Variants in MYBPC1 observed in about 807,000 individuals in gnomAD.
MYBPC1 encodes the protein myosin binding protein C1.
In MYBPC1, 52 loss-of-function variants were observed where a neutral mutation model predicts 147.1. The ratio of observed to expected loss-of-function variants is 0.35; its 90% confidence interval spans 0.28 to 0.45. The LOEUF (loss-of-function observed/expected upper bound fraction) is 0.45, where lower values mean the gene tolerates loss of function less well. MYBPC1 is among the 20% of genes least tolerant of loss of function. The probability of loss-of-function intolerance (pLI) is 1.00; values close to 1 mark genes in which losing one functional copy is unlikely to be tolerated. For missense variants in MYBPC1, 1,228 were observed against 1,440.3 expected (o/e 0.85, Z 2.39); for synonymous variants, 477 against 475.9 (o/e 1.00, Z -0.03).
At chr12:101,692,598 T>C in the MYBPC1 span, among the ~76,000 whole-genome samples, 2 of 152,168 alleles carry the variant, frequency 1.3e-5, no homozygotes, top group African/African-American at 4.8e-5. Context: ...GAGGAGTAAG[T>C]GAAATAACTC....
At chr12:101,672,698 A>G (rs946839969) in intron 24 of MYBPC1, among the ~76,000 whole-genome samples, 33 of 152,266 alleles carry the variant, frequency 2.2e-4, no homozygotes, top group African/African-American at 7.9e-4. Flanking sequence ...CAACTAAAAA[A>G]ATTAGCCAAG....
intron 1 of MYBPC1, among the ~76,000 whole-genome samples, chr12:101,614,279 A>G (rs895207385): frequency 1.3e-5 from 2 of 152,056 alleles, no homozygotes; most frequent in Non-Finnish European, 2.9e-5. Context: ...AAATGGCAGC[A>G]TGTATGTCTT....
chr12:101,645,369 G>A (rs1007275790), intron 12 of MYBPC1, among the ~76,000 whole-genome samples: 12 of 152,190 alleles, frequency 7.9e-5, no homozygotes, highest in African/African-American at 2.7e-4. Context: ...ACTAAAGACA[G>A]ACTAATCCCT....
intron 21 of MYBPC1, 128 bp downstream of exon 21, chr12:101,662,674 C>T: frequency 2.1e-6 from 2 of 967,904 alleles, no homozygotes; most frequent in East Asian, 2.4e-5. Context: ...GAGCTTGAAA[C>T]AGTTAGGTAC....
intron 15 of MYBPC1, 80 bp from the exon 16 acceptor site, chr12:101,651,151 C>G: frequency 6.8e-7 from 1 of 1,467,120 alleles, no homozygotes; most frequent in Non-Finnish European, 9.6e-7. Flanking sequence ...GTAGAGCTCA[C>G]TATACCATTG....
chr12:101,608,112 A>C lies in MYBPC1; in HGVS notation c.26-6384A>C, dbSNP rs567797050. 2.6e-5 allele frequency among the ~76,000 whole-genome samples: 4 copies of C among 152,236 alleles called. No homozygotes were observed. In the South Asian group the frequency reaches 8.3e-4, roughly 32 times the overall value. On this transcript the variant is annotated intron_variant, in intron 1 of 31. Coordinates refer to ENST00000361466, the MANE Select transcript of MYBPC1 (RefSeq NM_002465.4). ...ATACCTGTGCTTTTTACAGTAGGTG[A>C]CCATAGGAAAAATCCACCATAAATA...
At position 101,604,188 on chromosome 12, in the gene MYBPC1, G is replaced by A. The variant is rs999806700; in HGVS notation, c.25+9093G>A. ...CCCAGCCCCATGTTAACAATGAGAA[G>A]CTATTTGTTGCTATGTAATAAGGAC... On this transcript the variant is annotated intron_variant, in intron 1 of 31. Transcript: ENST00000361466. Among the ~76,000 whole-genome samples the A allele has an allele frequency of 6.6e-5, 10 of 152,116 alleles. 1 individual carries two copies. The highest frequency in any genetic ancestry group is 4.6e-4 in the Admixed American group (7 of 15,262).
chr12:101,654,937 C>T (rs1192894382), intron 18 of MYBPC1, among the ~76,000 whole-genome samples: 2 of 152,132 alleles, frequency 1.3e-5, no homozygotes, highest in African/African-American at 4.8e-5. Context: ...AATTTAATTG[C>T]ATTTCAAAAC....
rs1206080087 is a variant in MYBPC1, at chr12:101,646,719, A to G, written c.966-44A>G. Reference sequence around the variant, plus strand: ...TGCTGGCAATAAAGAAAAGAATAAAATCACATTCACAGACTCTGTTTATTT... The same window carrying G: ...TGCTGGCAATAAAGAAAAGAATAAAGTCACATTCACAGACTCTGTTTATTT... On this transcript the variant is annotated intron_variant, in intron 12 of 31. Transcript: ENST00000361466. 3 of 1,606,514 alleles carry G rather than the reference A, an allele frequency of 1.9e-6. No individual in the cohort carries two copies. In the Admixed American group the frequency reaches 5.0e-5, roughly 27 times the overall value.
intron 1 of MYBPC1, among the ~76,000 whole-genome samples, chr12:101,606,593 C>A (rs907090324): frequency 6.6e-6 from 1 of 151,970 alleles, no homozygotes; most frequent in Non-Finnish European, 1.5e-5. Flanking sequence ...CTTGAGCCAC[C>A]ATGCCCAGCC....
chr12:101,629,602 G>T, intron 6 of MYBPC1, 58 bp downstream of exon 6: 2 of 1,244,714 alleles, frequency 1.6e-6, no homozygotes, highest in South Asian at 1.2e-5. Context: ...GCCGAGCACG[G>T]TGCCTCACGC....
At chr12:101,686,974 T>C (rs1951356952), downstream of MYBPC1, among the ~76,000 whole-genome samples, 2 of 152,210 alleles carry the variant, frequency 1.3e-5, no homozygotes, top group African/African-American at 2.4e-5. Context: ...CCTGCTCCTA[T>C]GCTCCCAAAA....
At chr12:101,663,143 A>G (rs1048120932) in intron 21 of MYBPC1, among the ~76,000 whole-genome samples, 1 of 152,216 alleles carries the variant, frequency 6.6e-6, no homozygotes, top group African/African-American at 2.4e-5. Flanking sequence ...ACTCTAGATC[A>G]TTAGATCCCA....
At position 101,638,963 on chromosome 12, in the gene MYBPC1, G is replaced by A. The variant is rs115750054; in HGVS notation, c.665+2235G>A. 5.7e-3 allele frequency among the ~76,000 whole-genome samples: 820 copies of A among 143,112 alleles called. 6 individuals are homozygous for A. Among genetic ancestry groups the A allele is most frequent in the African/African-American group, 0.019 (761 of 39,814 alleles). 93.9% of individuals were successfully genotyped at this position (143,112 alleles called of 152,430 possible). ...AGTGAGTTGCATGCGTTTTCATTGC[G>A]GTAATGACATATGGTTACCATTTCT... On this transcript the variant is annotated intron_variant, in intron 10 of 31. Coordinates refer to ENST00000361466, the MANE Select transcript of MYBPC1 (RefSeq NM_002465.4).
At position 101,595,097 on chromosome 12, in the gene MYBPC1, TA is replaced by T; in HGVS notation, c.25+4del. 1 of 1,611,624 alleles carries T rather than the reference TA, an allele frequency of 6.2e-7. No homozygotes were observed. The highest frequency in any genetic ancestry group is 8.5e-7 in the Non-Finnish European group (1 of 1,177,832). ...TGCCAGAACCCACTAAGAAAGAGGG[TA>T]AGACTTATCTAGAAATCTTTTTGTT... On this transcript the variant is annotated splice_donor_region_variant and intron_variant, in intron 1 of 31. Transcript: ENST00000361466.
At chr12:101,640,228 T>G (rs1204968100) in intron 10 of MYBPC1, among the ~76,000 whole-genome samples, 1 of 152,150 alleles carries the variant, frequency 6.6e-6, no homozygotes, top group Non-Finnish European at 1.5e-5. Flanking sequence ...CCCAGGCTGG[T>G]CTCGAACTCC....
At chr12:101,646,939 C>G (rs1175344535) in intron 13 of MYBPC1, 52 bp downstream of exon 13, 1 of 1,604,806 alleles carries the variant, frequency 6.2e-7, no homozygotes, top group Non-Finnish European at 8.5e-7. Flanking sequence ...GCTTCTTCTC[C>G]CAGGGATAAT....
At chr12:101,691,785 T>A in the MYBPC1 span, among the ~76,000 whole-genome samples, 1 of 152,238 alleles carries the variant, frequency 6.6e-6, no homozygotes, top group South Asian at 2.1e-4. Context: ...TTAAAATACA[T>A]ATTTTTTAAA....
At chr12:101,666,304 TG>T in intron 22 of MYBPC1, 1 of 206,988 alleles carries the variant, frequency 4.8e-6, no homozygotes, top group South Asian at 8.6e-5. Flanking sequence ...CCGTGTTCCC[TG>T]GGGACCCAAG....
Sources: gnomAD v4.1 joint callset for allele counts (sites outside exome capture counted in the v4.1 genomes callset) on GRCh38, gnomAD v4.1.1 for gene constraint, MANE v1.5 for transcripts, NCBI Gene and HGNC (gene_info 2026-07-23, HGNC 2026-07-21) for gene names.